The following PLD1 variants were observed in gnomAD, a reference collection of about 807,000 sequenced individuals.
The protein encoded by PLD1 is phospholipase D1, also known as choline phosphatase 1.
PLD1 carries 112 observed loss-of-function variants against 137.1 expected under a neutral mutation model. That is an observed-to-expected ratio of 0.82 (90% CI 0.70 to 0.96). The LOEUF is 0.96. Among genes scored for constraint, PLD1 ranks in the 40% least tolerant of loss-of-function variants. The pLI, the probability that PLD1 is intolerant of heterozygous loss-of-function variation, is 0.00. For missense variants in PLD1, 1,321 were observed against 1,342.0 expected (o/e 0.98, Z 0.24); for synonymous variants, 431 against 454.7 (o/e 0.95, Z 0.66).
intron 24 of PLD1, among the ~76,000 whole-genome samples, chr3:171,613,562 G>A (rs1236384726): frequency 6.6e-6 from 1 of 152,122 alleles, no homozygotes; most frequent in Non-Finnish European, 1.5e-5. Flanking sequence ...TGTGGCTTTG[G>A]GCTTTCTGCT....
At chr3:171,645,345 C>T (rs537165270) in intron 21 of PLD1, among the ~76,000 whole-genome samples, 122 of 152,034 alleles carry the variant, frequency 8.0e-4, no homozygotes, top group Non-Finnish European at 1.4e-3. Context: ...TGGAAAGAGG[C>T]GGGTAGGGGA....
intron 9 of PLD1, among the ~76,000 whole-genome samples, chr3:171,713,317 C>T (rs553475570): frequency 1.3e-5 from 2 of 152,080 alleles, no homozygotes; most frequent in Admixed American, 6.5e-5. Context: ...AAACTTTAGT[C>T]GGGGGTGGTG....
At chr3:171,651,705 A>T (rs1736780485) in intron 21 of PLD1, among the ~76,000 whole-genome samples, 1 of 152,146 alleles carries the variant, frequency 6.6e-6, no homozygotes, top group Non-Finnish European at 1.5e-5. Context: ...AGCATGTTTG[A>T]CTTAGACTTC....
At chr3:171,750,389 G>A (rs1430379777) in intron 1 of PLD1, among the ~76,000 whole-genome samples, 1 of 152,032 alleles carries the variant, frequency 6.6e-6, no homozygotes, top group Non-Finnish European at 1.5e-5. Context: ...CCTTAGTATT[G>A]TATGTGATAA....
chr3:171,622,379 G>A lies in PLD1; in HGVS notation c.2594-1859C>T, dbSNP rs1285399078. Among the ~76,000 whole-genome samples, 4 of 152,096 alleles carry A rather than the reference G, an allele frequency of 2.6e-5. No individual in the cohort carries two copies. In the East Asian group the frequency reaches 7.7e-4, roughly 29 times the overall value. ...TGTTTCTGAATGACACTGCCATAGAGCTTTGATAATTATTTAAGATTAGTA... is the reference window on the plus strand; with the variant it reads ...TGTTTCTGAATGACACTGCCATAGAACTTTGATAATTATTTAAGATTAGTA... On this transcript the variant is annotated intron_variant, in intron 23 of 26. Transcript: ENST00000351298.
intron 21 of PLD1, among the ~76,000 whole-genome samples, chr3:171,647,108 G>A (rs753187764): frequency 5.8e-4 from 89 of 152,290 alleles, no homozygotes; most frequent in Non-Finnish European, 1.0e-3. Flanking sequence ...TGCTCTCTAG[G>A]CTATGTGATA....
At chr3:171,792,453 C>G (rs965064375) in intron 1 of PLD1, 2 of 379,536 alleles carry the variant, frequency 5.3e-6, no homozygotes, top group African/African-American at 4.2e-5. Flanking sequence ...GGGCCCCTGG[C>G]CATCCATCAG....
rs1348228125 is a variant in PLD1, at chr3:171,676,810, G to T, written c.2020C>A (p.Pro674Thr). Residue 674 changes from proline (P) to threonine (T), a missense_variant, in exon 18 of 27, where the codon CCC (proline) becomes ACC (threonine). Pro to Thr is a conservative substitution (Grantham distance 38, BLOSUM62 -1). Transcript: ENST00000351298. Reference protein sequence around the residue: ...FADFIDRYSTPRMPWHDIASA... With the variant: ...FADFIDRYSTTRMPWHDIASA... ...GCAATGTCATGCCAGGGCATCCGGG[G>T]CGTGGAGTACCTGTCAATGAAATCT... The T allele has an allele frequency of 1.2e-6, 2 of 1,613,998 alleles. No individual in the cohort carries two copies. Among genetic ancestry groups the T allele is most frequent in the Non-Finnish European group, 1.7e-6 (2 of 1,179,852 alleles).
chr3:171,731,577 C>G lies in PLD1; in HGVS notation c.606+1867G>C, dbSNP rs868008834. Among the ~76,000 whole-genome samples the G allele has an allele frequency of 2.0e-5, 3 of 152,014 alleles. No homozygotes were observed. In the Middle Eastern group the frequency reaches 0.01, roughly 517 times the overall value. ...CGGGCGGATCACAAGGTCAAGGGAT[C>G]GAAATCATCCTGGCCAACATGGTGA... On this transcript the variant is annotated intron_variant, in intron 6 of 26. Transcript: ENST00000351298.
intron 13 of PLD1, among the ~76,000 whole-genome samples, chr3:171,691,804 T>C (rs963333688): frequency 6.6e-6 from 1 of 152,172 alleles, no homozygotes; most frequent in East Asian, 1.9e-4. Flanking sequence ...TATGTCTTGA[T>C]GTACCTCAAT....
chr3:171,731,659 C>A (rs1718956494), intron 6 of PLD1, among the ~76,000 whole-genome samples: 1 of 152,008 alleles, frequency 6.6e-6, no homozygotes, highest in African/African-American at 2.4e-5. Flanking sequence ...GTAGTCCCAG[C>A]TACTTGGGAG....
intron 1 of PLD1, among the ~76,000 whole-genome samples, chr3:171,786,819 A>G (rs548250654): frequency 1.6e-4 from 25 of 152,224 alleles, no homozygotes; most frequent in Non-Finnish European, 3.5e-4. Context: ...TAGAATAGGT[A>G]ACATGGGAAT....
intron 6 of PLD1, among the ~76,000 whole-genome samples, chr3:171,728,936 A>AG (rs897688854): frequency 2.6e-5 from 4 of 152,036 alleles, no homozygotes; most frequent in African/African-American, 9.7e-5. Context: ...ATACAGAAAA[A>AG]AAAATCTGGC....
At chr3:171,711,411 C>T (rs1444862749) in intron 9 of PLD1, among the ~76,000 whole-genome samples, 7 of 147,928 alleles carry the variant, frequency 4.7e-5, no homozygotes, top group East Asian at 4.1e-4. Flanking sequence ...CCTTGTGATC[C>T]GCCCACCTCG....
intron 16 of PLD1, among the ~76,000 whole-genome samples, chr3:171,685,000 A>G (rs1159431987): frequency 6.6e-6 from 1 of 152,256 alleles, no homozygotes; most frequent in Non-Finnish European, 1.5e-5. Flanking sequence ...TGCATTTTTT[A>G]AAATGCAGCG....
intron 9 of PLD1, among the ~76,000 whole-genome samples, chr3:171,710,072 C>CT (rs949950499): frequency 3.8e-4 from 58 of 151,526 alleles, no homozygotes; most frequent in Admixed American, 3.3e-4. Context: ...TTTCTTTTTT[C>CT]TTTTTTTTGA....
chr3:171,783,698 A>G (rs777518594), intron 1 of PLD1, among the ~76,000 whole-genome samples: 2 of 152,130 alleles, frequency 1.3e-5, no homozygotes, highest in African/African-American at 4.8e-5. Context: ...GCTGGAGTAC[A>G]GTAGTACAAT....
chr3:171,723,081 A>G (rs1463565964), intron 8 of PLD1, among the ~76,000 whole-genome samples: 1 of 152,116 alleles, frequency 6.6e-6, no homozygotes. Flanking sequence ...TGTGCTATCA[A>G]ATACTAGATC....
rs373694099 is a variant in PLD1, at chr3:171,713,912, G to T, written c.892C>A (p.Arg298=). The change falls in exon 9 of 27, where the codon CGA becomes AGA. Residue 298 remains arginine (R), a synonymous_variant. Transcript: ENST00000351298. Reference sequence around the variant, plus strand: ...GTGTACCTTGAAAGATTATCAATTCGGATTCCATATTTCGTTTCTGTCTCC... The same window carrying T: ...GTGTACCTTGAAAGATTATCAATTCTGATTCCATATTTCGTTTCTGTCTCC... ...KKETETKYGI[R]IDNLSRTLIL... is the part of the protein sequence containing the mutation. The T allele has an allele frequency of 6.2e-7, 1 of 1,612,140 alleles. No homozygotes were observed.
Sources: gnomAD v4.1 joint callset for allele counts (sites outside exome capture counted in the v4.1 genomes callset) on GRCh38, gnomAD v4.1.1 for gene constraint, MANE v1.5 for transcripts, NCBI Gene and HGNC (gene_info 2026-07-23, HGNC 2026-07-21) for gene names.